CLSTN1: variants seen among roughly 807,000 people sequenced by gnomAD.
The protein encoded by CLSTN1 is calsyntenin-1.
CLSTN1 carries 28 observed loss-of-function variants against 108.3 expected under a neutral mutation model. That is an observed-to-expected ratio of 0.26 (90% CI 0.19 to 0.35). The LOEUF is 0.35. CLSTN1 is among the 10% of genes least tolerant of loss of function. The pLI is 1.00. For synonymous variants in CLSTN1, 524 were observed against 534.9 expected (o/e 0.98, Z 0.28); for missense variants, 1,157 against 1,302.6 (o/e 0.89, Z 1.72).
At chr1:9,822,305 G>A (rs1048015980) in intron 1 of CLSTN1, among the ~76,000 whole-genome samples, 2 of 152,190 alleles carry the variant, frequency 1.3e-5, no homozygotes, top group Non-Finnish European at 2.9e-5. Flanking sequence ...AGAGTCAACA[G>A]AATGTTAGAA....
At chr1:9,766,759 GA>G (rs1652356284) in intron 2 of CLSTN1, among the ~76,000 whole-genome samples, 1 of 152,240 alleles carries the variant, frequency 6.6e-6, no homozygotes, top group African/African-American at 2.4e-5. Context: ...ACAAGAAACT[GA>G]ATCATTTAAA....
intron 1 of CLSTN1, among the ~76,000 whole-genome samples, chr1:9,822,337 A>G (rs886190580): frequency 3.9e-5 from 6 of 152,232 alleles, no homozygotes; most frequent in African/African-American, 1.4e-4. Flanking sequence ...GAAGTATTCA[A>G]AGTTTATCAT....
At chr1:9,741,055 TTAA>T (rs1473375075) in intron 10 of CLSTN1, 36 bp downstream of exon 10, 1 of 1,599,520 alleles carries the variant, frequency 6.3e-7, no homozygotes, top group Admixed American at 1.7e-5. Context: ...GAGGTACAAC[TTAA>T]TTCTCGAGTC....
chr1:9,788,065 G>T (rs571418592), intron 1 of CLSTN1, among the ~76,000 whole-genome samples: 5 of 151,232 alleles, frequency 3.3e-5, no homozygotes, highest in African/African-American at 1.2e-4. Context: ...GATCAGCCCG[G>T]CCAACCTGGC....
In CLSTN1 at chr1:9,735,500, C is replaced by G. The variant is rs776131151; in HGVS notation, c.1850G>C (p.Gly617Ala). The G allele has an allele frequency of 1.9e-6, 3 of 1,614,174 alleles. No individual in the cohort carries two copies. Among genetic ancestry groups the G allele is most frequent in the Non-Finnish European group, 2.5e-6 (3 of 1,180,028 alleles). Residue 617 changes from glycine (G) to alanine (A), a missense_variant, in exon 13 of 19, where the codon GGA becomes GCA. Physicochemically the swap from Gly to Ala is moderately conservative, Grantham distance 60. Coordinates refer to ENST00000377298, the MANE Select transcript of CLSTN1 (RefSeq NM_001009566.3). ...GCTGGTGATTTTGAGTCTGCGAATT[C>G]CGGGCGTGGGGAACTGCCGGGAGTT... Reference protein sequence around the residue: ...YLNSRQFPTPGIRRLKITSTI... With the variant: ...YLNSRQFPTPAIRRLKITSTI...
At chr1:9,819,094 C>A (rs1482522978) in intron 1 of CLSTN1, among the ~76,000 whole-genome samples, 1 of 151,904 alleles carries the variant, frequency 6.6e-6, no homozygotes, top group Non-Finnish European at 1.5e-5. Context: ...GCACCCGGCC[C>A]CTTCAAGCAA....
intron 1 of CLSTN1, among the ~76,000 whole-genome samples, chr1:9,812,105 C>G (rs975338244): frequency 1.3e-5 from 2 of 152,126 alleles, no homozygotes; most frequent in African/African-American, 4.8e-5. Context: ...CCACTGTACT[C>G]CAGGCTGGGC....
chr1:9,760,425 C>T (rs1652016220), intron 2 of CLSTN1, among the ~76,000 whole-genome samples: 1 of 152,132 alleles, frequency 6.6e-6, no homozygotes, highest in Admixed American at 6.6e-5. Context: ...AGCCAGTACG[C>T]CTACCTCAAG....
intron 1 of CLSTN1, among the ~76,000 whole-genome samples, chr1:9,792,835 G>A (rs527934439): frequency 6.6e-6 from 1 of 151,406 alleles, no homozygotes; most frequent in East Asian, 2.0e-4. Context: ...CGTACCCTCA[G>A]GAGCAGCTGT....
At chr1:9,777,677 T>G (rs958381650) in intron 1 of CLSTN1, among the ~76,000 whole-genome samples, 2 of 152,164 alleles carry the variant, frequency 1.3e-5, no homozygotes, top group South Asian at 2.1e-4. Flanking sequence ...ACAGTTTTGT[T>G]TTTGCAAATC....
At chr1:9,814,936 A>G (rs974060115) in intron 1 of CLSTN1, among the ~76,000 whole-genome samples, 2 of 151,972 alleles carry the variant, frequency 1.3e-5, no homozygotes, top group Non-Finnish European at 2.9e-5. Context: ...TTTCTAAACT[A>G]GTTGTAGTTT....
chr1:9,734,186 G>C lies in CLSTN1; in HGVS notation c.2111-44C>G. The C allele has an allele frequency of 6.3e-7, 1 of 1,596,096 alleles. No homozygotes were observed. Among genetic ancestry groups the C allele is most frequent in the Non-Finnish European group, 8.6e-7 (1 of 1,167,568 alleles). ...CAGAAATATTAAGTAGGGGCAGTGG[G>C]GCCCAGCGTGGCGGGGCACACTGGA... On this transcript the variant is annotated intron_variant, in intron 14 of 18. Coordinates refer to ENST00000377298, the MANE Select transcript of CLSTN1 (RefSeq NM_001009566.3). This position sits in a 1 kb window ranked among gnomAD's most constrained non-coding sequence, Gnocchi z 4.8.
At chr1:9,731,725 G>A in intron 17 of CLSTN1, 36 bp downstream of exon 17, 1 of 1,612,298 alleles carries the variant, frequency 6.2e-7, no homozygotes, top group Non-Finnish European at 8.5e-7. Context: ...GGACGGCATG[G>A]AGCATCTCCG....
intron 1 of CLSTN1, among the ~76,000 whole-genome samples, chr1:9,792,483 C>A (rs1013218603): frequency 2.6e-5 from 4 of 151,352 alleles, no homozygotes; most frequent in Non-Finnish European, 5.9e-5. Flanking sequence ...GCAGGAAGGG[C>A]CACTCTTAAA....
At chr1:9,787,986 G>A (rs1653574025) in intron 1 of CLSTN1, among the ~76,000 whole-genome samples, 1 of 151,368 alleles carries the variant, frequency 6.6e-6, no homozygotes, top group Non-Finnish European at 1.5e-5. Flanking sequence ...CCGGCGTGGT[G>A]GCTCAAACCT....
chr1:9,734,663 G>A lies in CLSTN1; in HGVS notation c.2110+285C>T, dbSNP rs1293744715. Among the ~76,000 whole-genome samples, 2 of 151,888 alleles carry A rather than the reference G, an allele frequency of 1.3e-5. No individual in the cohort carries two copies. The highest frequency in any genetic ancestry group is 2.9e-5 in the Non-Finnish European group (2 of 67,994). On this transcript the variant is annotated intron_variant, in intron 14 of 18. Transcript: ENST00000377298. The surrounding 1 kb of genome is among the most constrained non-coding windows in gnomAD (Gnocchi z 4.8). ...CTCCATGGGCTGGCCAGCCTGGCAG[G>A]TGCAAGCAGTGTCTCCCGTAAGTGC...
chr1:9,743,772 G>A (rs1027913911), intron 9 of CLSTN1, 112 bp downstream of exon 9: 6 of 1,174,080 alleles, frequency 5.1e-6, no homozygotes, highest in African/African-American at 4.6e-5. Flanking sequence ...TGCCCAGGCT[G>A]GTCTCGAACC....
At position 9,755,126 on chromosome 1, in the gene CLSTN1, T is replaced by C. The variant is rs1483311509; in HGVS notation, c.428A>G (p.Lys143Arg). The C allele has an allele frequency of 1.2e-6, 2 of 1,610,092 alleles. No homozygotes were observed. Among genetic ancestry groups the C allele is most frequent in the Admixed American group, 3.3e-5 (2 of 59,766 alleles). Residue 143 changes from lysine (K) to arginine (R), a missense_variant, in exon 4 of 19, where the codon AAA (lysine) becomes AGA (arginine). Lys to Arg is a conservative substitution (Grantham distance 26). Coordinates refer to ENST00000377298, the MANE Select transcript of CLSTN1 (RefSeq NM_001009566.3). The stretch of plus-strand genomic sequence containing the variant: ...CCAGCTTACTTACTTATGAGACTTT[T>C]TCACGTTGGTGCCATCAGGTCCCTT... ...CGKGPDGTNVKKSHKATVHIQ... is the reference protein window; with the variant it reads ...CGKGPDGTNVRKSHKATVHIQ...
chr1:9,779,088 G>A (rs1355123500), intron 1 of CLSTN1, among the ~76,000 whole-genome samples: 1 of 151,936 alleles, frequency 6.6e-6, no homozygotes. Context: ...TTTCTCCTGC[G>A]AGCCTCCCTG....
Sources: gnomAD v4.1 joint callset for allele counts (sites outside exome capture counted in the v4.1 genomes callset) on GRCh38, gnomAD v4.1.1 for gene constraint, Gnocchi (gnomAD v3.1) non-coding constraint, MANE v1.5 for transcripts, NCBI Gene and HGNC (gene_info 2026-07-23, HGNC 2026-07-21) for gene names.